RNF157: variants seen among roughly 807,000 people sequenced by gnomAD.
The protein encoded by RNF157 is ring finger protein 157, also known as E3 ubiquitin ligase RNF157.
In RNF157, 55 loss-of-function variants were observed where a neutral mutation model predicts 88.3. The observed-to-expected ratio is 0.62, with a 90% confidence interval of 0.50 to 0.78. The LOEUF (loss-of-function observed/expected upper bound fraction) is 0.78. RNF157 is among the 30% of genes least tolerant of loss of function. The probability of loss-of-function intolerance (pLI) is 0.00; values close to 1 mark genes in which losing one functional copy is unlikely to be tolerated. For synonymous variants in RNF157, 334 were observed against 341.2 expected (o/e 0.98, Z 0.23); for missense variants, 788 against 860.8 (o/e 0.92, Z 1.06).
At chr17:76,197,858 G>A (rs2069503078) in intron 2 of RNF157, among the ~76,000 whole-genome samples, 1 of 152,242 alleles carries the variant, frequency 6.6e-6, no homozygotes, top group Admixed American at 6.5e-5. Flanking sequence ...CCCTGGTAGG[G>A]AAGGAGTGAA....
At position 76,176,444 on chromosome 17, in the gene RNF157, A is replaced by G. The variant is rs1432533643; in HGVS notation, c.208-2654T>C. On this transcript the variant is annotated intron_variant, in intron 2 of 18. Transcript: ENST00000269391. This position sits in a 1 kb window ranked among gnomAD's most constrained non-coding sequence, Gnocchi z 4.2. Reference sequence around the variant, plus strand: ...AAAAAAATTTTTTTTCTGCTCTTAGAGTTGTCTCCCATTCTTCTGTAAATC... The same window carrying G: ...AAAAAAATTTTTTTTCTGCTCTTAGGGTTGTCTCCCATTCTTCTGTAAATC... 6.6e-6 allele frequency among the ~76,000 whole-genome samples: 1 copy of G among 152,176 alleles called. No homozygotes were observed.
intron 2 of RNF157, among the ~76,000 whole-genome samples, chr17:76,206,072 T>A (rs1457279788): frequency 6.6e-6 from 1 of 151,456 alleles, no homozygotes; most frequent in Admixed American, 6.6e-5. Context: ...TCTATAGAAA[T>A]TTTTTTTAAA....
chr17:76,209,317 A>G (rs1166685543), intron 2 of RNF157, among the ~76,000 whole-genome samples: 1 of 152,214 alleles, frequency 6.6e-6, no homozygotes, highest in Non-Finnish European at 1.5e-5. Flanking sequence ...ATAGGTCGGC[A>G]TAGGCAAACT....
At chr17:76,184,108 T>C (rs1598411595) in intron 2 of RNF157, among the ~76,000 whole-genome samples, 1 of 151,374 alleles carries the variant, frequency 6.6e-6, no homozygotes, top group African/African-American at 2.4e-5. Context: ...AGATAATCAC[T>C]TGAACCTGGG....
At chr17:76,184,657 G>A (rs1047617159) in intron 2 of RNF157, among the ~76,000 whole-genome samples, 6 of 152,148 alleles carry the variant, frequency 3.9e-5, no homozygotes, top group Admixed American at 6.5e-5. Flanking sequence ...ATCCTCATGG[G>A]GAGCCAATCA....
chr17:76,162,486 G>A lies in RNF157; in HGVS notation c.792+66C>T, dbSNP rs2290244. ...AGTTTGGCACGCTAAATTTCTGGACGCTGGCTTACGATTTCTCACTTGGCC... is the reference window on the plus strand; with the variant it reads ...AGTTTGGCACGCTAAATTTCTGGACACTGGCTTACGATTTCTCACTTGGCC... On this transcript the variant is annotated intron_variant, in intron 9 of 18. Coordinates refer to ENST00000269391, the MANE Select transcript of RNF157 (RefSeq NM_052916.3). 9.4e-3 allele frequency: 11,401 copies of A among 1,219,324 alleles called. 692 individuals are homozygous for A. In the East Asian group the frequency reaches 0.17, roughly 18 times the overall value. 75.5% of individuals were successfully genotyped at this position (1,219,324 alleles called of 1,614,324 possible). A position where few individuals can be genotyped will look rare whatever the true frequency, so the allele number is the denominator to read the frequency against.
rs2070354438 is a variant in RNF157 at position 76,240,135 on chromosome 17, G to A, written c.88+18C>T. 1.5e-6 allele frequency: 2 copies of A among 1,304,170 alleles called. No individual in the cohort carries two copies. Among genetic ancestry groups the A allele is most frequent in the African/African-American group, 3.0e-5 (2 of 65,980 alleles). 80.8% of individuals were successfully genotyped at this position (1,304,170 alleles called of 1,614,324 possible). On this transcript the variant is annotated intron_variant, in intron 1 of 18. Coordinates refer to ENST00000269391, the MANE Select transcript of RNF157 (RefSeq NM_052916.3). The surrounding 1 kb of genome is among the most constrained non-coding windows in gnomAD (Gnocchi z 4.4). ...GCCCCTCTCCCTCCTCGCGGCTGCG[G>A]CGCCCGCCCGCCCTCACCGGACTTG...
At chr17:76,148,652 C>G (rs1242850122) in intron 18 of RNF157, among the ~76,000 whole-genome samples, 2 of 151,166 alleles carry the variant, frequency 1.3e-5, no homozygotes, top group African/African-American at 2.4e-5. Context: ...CTCCCTGCAA[C>G]CTCCGGTTCC....
At chr17:76,209,121 C>T (rs1413490853) in intron 2 of RNF157, among the ~76,000 whole-genome samples, 1 of 151,262 alleles carries the variant, frequency 6.6e-6, no homozygotes, top group Admixed American at 6.6e-5. Context: ...GGAGGTCTTG[C>T]TATATTGCTC....
chr17:76,217,208 C>A (rs553326208), intron 1 of RNF157, among the ~76,000 whole-genome samples: 1 of 152,162 alleles, frequency 6.6e-6, no homozygotes, highest in Non-Finnish European at 1.5e-5. Context: ...TGGAGTTTCA[C>A]CATGTTGGCC....
At chr17:76,238,642 T>C (rs954566497) in intron 1 of RNF157, among the ~76,000 whole-genome samples, 6 of 152,224 alleles carry the variant, frequency 3.9e-5, no homozygotes, top group Non-Finnish European at 8.8e-5. Context: ...CTCAGCAAAG[T>C]ATGCTCCATA....
intron 13 of RNF157, 32 bp from the exon 14 acceptor site, chr17:76,156,353 G>A (rs778220230): frequency 1.9e-6 from 3 of 1,613,522 alleles, no homozygotes; most frequent in Non-Finnish European, 2.5e-6. Context: ...AACAGGACAT[G>A]GAGCAAGCGC....
intron 3 of RNF157, among the ~76,000 whole-genome samples, chr17:76,171,886 G>A (rs981212846): frequency 1.3e-5 from 2 of 152,236 alleles, no homozygotes; most frequent in African/African-American, 4.8e-5. Context: ...CCACGGCAGA[G>A]GCTATGACCT....
chr17:76,165,455 A>C (rs2068907872), intron 7 of RNF157, 47 bp downstream of exon 7: 2 of 1,603,378 alleles, frequency 1.2e-6, no homozygotes, highest in Non-Finnish European at 1.7e-6. Context: ...TCTCACACGA[A>C]AGAAAGGGCT....
chr17:76,205,783 A>C (rs1455461813), intron 2 of RNF157, among the ~76,000 whole-genome samples: 1 of 152,032 alleles, frequency 6.6e-6, no homozygotes, highest in East Asian at 1.9e-4. Context: ...CCAGCTGTGC[A>C]GCTCTGATTG....
chr17:76,207,264 A>T (rs976273905), intron 2 of RNF157, among the ~76,000 whole-genome samples: 4 of 152,182 alleles, frequency 2.6e-5, no homozygotes, highest in African/African-American at 4.8e-5. Context: ...TACAAAAAAA[A>T]TTTTAAAAAT....
chr17:76,154,117 G>T, intron 17 of RNF157, 166 bp downstream of exon 17: 1 of 661,568 alleles, frequency 1.5e-6, no homozygotes, highest in East Asian at 2.6e-5. Context: ...GATCATCAAT[G>T]CTCTGCTTGC....
chr17:76,173,780 G>A lies in RNF157; in HGVS notation c.218C>T (p.Ala73Val). ...LGNRPVVFPY[A>V]APPPQEPVKT... ...CACGGGTTCTTGGGGAGGTGGGGCG[G>A]CGTAAGGAAACTGTGTCAGAAACAA... is the stretch of plus-strand genomic sequence containing the variant. The change falls in exon 3 of 19, where the codon GCC becomes GTC. Residue 73 changes from alanine (A) to valine (V), a missense_variant. Transcript: ENST00000269391. 2 of 1,609,072 alleles carry A rather than the reference G, an allele frequency of 1.2e-6. No homozygotes were observed. Among genetic ancestry groups the A allele is most frequent in the African/African-American group, 1.3e-5 (1 of 74,896 alleles).
At chr17:76,159,236 C>T in intron 12 of RNF157, 99 bp downstream of exon 12, 1 of 1,044,884 alleles carries the variant, frequency 9.6e-7, no homozygotes, top group South Asian at 1.3e-5. Flanking sequence ...CAGAGGGTTA[C>T]TCTGCCCTAA....
Sources: gnomAD v4.1 joint callset for allele counts (sites outside exome capture counted in the v4.1 genomes callset) on GRCh38, gnomAD v4.1.1 for gene constraint, Gnocchi (gnomAD v3.1) non-coding constraint, MANE v1.5 for transcripts, NCBI Gene and HGNC (gene_info 2026-07-23, HGNC 2026-07-21) for gene names.